Variants in SPHKAP observed in about 807,000 individuals in gnomAD.
SPHKAP encodes A-kinase anchor protein SPHKAP.
SPHKAP carries 67 observed loss-of-function variants against 137.5 expected under a neutral mutation model. That is an observed-to-expected ratio of 0.49 (90% CI 0.40 to 0.60). SPHKAP has a LOEUF of 0.60. Among genes scored for constraint, SPHKAP ranks in the 20% least tolerant of loss-of-function variants. The probability of loss-of-function intolerance (pLI) is 0.00; values close to 1 mark genes in which losing one functional copy is unlikely to be tolerated. For missense variants in SPHKAP, 2,097 were observed against 2,069.3 expected (o/e 1.01, Z -0.26); for synonymous variants, 813 against 785.3 (o/e 1.04, Z -0.59).
chr2:228,170,291 T>A (rs913634468), intron 1 of SPHKAP, among the ~76,000 whole-genome samples: 9 of 152,078 alleles, frequency 5.9e-5, no homozygotes, highest in Non-Finnish European at 1.3e-4. Context: ...CACAAAGAGT[T>A]TAGAAAACTT....
Position 228,020,091 on chromosome 2 carries a change from C to T in SPHKAP, c.763G>A (p.Val255Met), listed in dbSNP as rs1301723490. The change falls in exon 7 of 12, where the codon GTG becomes ATG. Residue 255 changes from valine to methionine, a missense_variant. Physicochemically the swap from Val to Met is conservative, Grantham distance 21. Transcript: ENST00000392056. The part of the protein sequence containing the change: ...ESKQLKGATQ[V>M]EWNCNKEKWL... ...TTTTCCTTGTTGCAATTCCATTCCA[C>T]CTGGGTGGCTCCCTTTAGCTGTTTA... 3.1e-6 allele frequency: 5 copies of T among 1,614,128 alleles called. No homozygotes were observed. The highest frequency in any genetic ancestry group is 4.2e-6 in the Non-Finnish European group (5 of 1,180,030).
intron 3 of SPHKAP, among the ~76,000 whole-genome samples, chr2:228,046,949 T>C (rs1696084017): frequency 6.6e-6 from 1 of 152,166 alleles, no homozygotes; most frequent in African/African-American, 2.4e-5. Context: ...GTTAACATTT[T>C]CCCACTTGAA....
At chr2:228,042,185 A>G (rs968723807) in intron 3 of SPHKAP, among the ~76,000 whole-genome samples, 2 of 152,186 alleles carry the variant, frequency 1.3e-5, no homozygotes, top group African/African-American at 4.8e-5. Context: ...CTGAAGACCA[A>G]TGGGCTCTGT....
chr2:228,108,945 G>A lies in SPHKAP; in HGVS notation c.139-6C>T, dbSNP rs746309216. 17 of 1,569,508 alleles carry A rather than the reference G, an allele frequency of 1.1e-5. No individual in the cohort carries two copies. Among genetic ancestry groups the A allele is most frequent in the Non-Finnish European group, 1.4e-5 (16 of 1,163,642 alleles). ...AGGCTATTGCTGCGAAGAACCTGGA[G>A]GAACCCAGAAAAACTCAGTTCTTAT... On this transcript the variant is annotated splice_polypyrimidine_tract_variant and splice_region_variant and intron_variant, in intron 2 of 11. Transcript: ENST00000392056.
chr2:228,031,637 C>T (rs1378288424), intron 3 of SPHKAP, among the ~76,000 whole-genome samples: 1 of 152,194 alleles, frequency 6.6e-6, no homozygotes, highest in Non-Finnish European at 1.5e-5. Flanking sequence ...AGACTGACAC[C>T]TCACACGGCC....
chr2:228,125,066 T>A (rs960925309), intron 2 of SPHKAP, among the ~76,000 whole-genome samples: 9 of 152,214 alleles, frequency 5.9e-5, no homozygotes, highest in African/African-American at 1.9e-4. Flanking sequence ...GTGTTTTCAG[T>A]CTGCCACCTT....
At chr2:228,083,494 G>A (rs868349389) in intron 3 of SPHKAP, among the ~76,000 whole-genome samples, 1 of 152,176 alleles carries the variant, frequency 6.6e-6, no homozygotes, top group East Asian at 1.9e-4. Context: ...CTTTTGACAA[G>A]TGTCTGTTCA....
chr2:228,171,833 C>T (rs1431601113), intron 1 of SPHKAP, among the ~76,000 whole-genome samples: 1 of 152,100 alleles, frequency 6.6e-6, no homozygotes, highest in African/African-American at 2.4e-5. Context: ...TAAATGTTGA[C>T]TGACAATTGA....
intron 2 of SPHKAP, among the ~76,000 whole-genome samples, chr2:228,111,762 G>T (rs1450762667): frequency 6.6e-6 from 1 of 152,062 alleles, no homozygotes; most frequent in Admixed American, 6.6e-5. Context: ...GAGTCTCAGA[G>T]AGATATGAAT....
chr2:228,082,946 A>C (rs893577387), intron 3 of SPHKAP, among the ~76,000 whole-genome samples: 3 of 152,292 alleles, frequency 2.0e-5, no homozygotes, highest in Non-Finnish European at 4.4e-5. Flanking sequence ...GAAGTCATTT[A>C]GTGCACCACC....
intron 2 of SPHKAP, among the ~76,000 whole-genome samples, chr2:228,124,398 C>G (rs1699005966): frequency 6.6e-6 from 1 of 151,960 alleles, no homozygotes; most frequent in Non-Finnish European, 1.5e-5. Flanking sequence ...GAATACTATG[C>G]AGCCATAAAA....
At chr2:228,035,996 C>T (rs1695575270) in intron 3 of SPHKAP, among the ~76,000 whole-genome samples, 2 of 149,514 alleles carry the variant, frequency 1.3e-5, no homozygotes, top group African/African-American at 5.0e-5. Flanking sequence ...TCTAAAACAC[C>T]AAAGGCAATG....
chr2:228,114,111 A>G (rs973421472), intron 2 of SPHKAP, among the ~76,000 whole-genome samples: 2 of 152,174 alleles, frequency 1.3e-5, no homozygotes, highest in African/African-American at 4.8e-5. Context: ...CCAGGCTCTC[A>G]ATGGCTCATT....
At chr2:228,164,164 G>C (rs1389746777) in intron 1 of SPHKAP, among the ~76,000 whole-genome samples, 1 of 152,120 alleles carries the variant, frequency 6.6e-6, no homozygotes, top group East Asian at 1.9e-4. Flanking sequence ...TTCTGCCCTT[G>C]GACATCAGCC....
At chr2:228,142,032 C>T (rs1200523983) in intron 1 of SPHKAP, among the ~76,000 whole-genome samples, 2 of 152,116 alleles carry the variant, frequency 1.3e-5, no homozygotes, top group Admixed American at 1.3e-4. Context: ...ATCACAAACA[C>T]CACCAAATGG....
At position 228,040,132 on chromosome 2, in the gene SPHKAP, T is replaced by C. The variant is rs1422455662; in HGVS notation, c.247-12589A>G. Reference sequence around the variant, plus strand: ...TCAAATTGCCTTAAAATCTAGGCATTTGAATGTTGAATATGACCAAATATT... The same window carrying C: ...TCAAATTGCCTTAAAATCTAGGCATCTGAATGTTGAATATGACCAAATATT... On this transcript the variant is annotated intron_variant, in intron 3 of 11. Coordinates refer to ENST00000392056, the MANE Select transcript of SPHKAP (RefSeq NM_001142644.2). Among the ~76,000 whole-genome samples, 4 of 152,214 alleles carry C rather than the reference T, an allele frequency of 2.6e-5. No individual in the cohort carries two copies. In the East Asian group the frequency reaches 7.7e-4, roughly 29 times the overall value.
intron 1 of SPHKAP, among the ~76,000 whole-genome samples, chr2:228,133,768 C>A (rs997805939): frequency 6.6e-6 from 1 of 152,176 alleles, no homozygotes; most frequent in African/African-American, 2.4e-5. Context: ...TTCAATTAGC[C>A]ATAAGTCACA....
At chr2:228,118,985 T>C (rs1002613506) in intron 2 of SPHKAP, among the ~76,000 whole-genome samples, 1 of 152,144 alleles carries the variant, frequency 6.6e-6, no homozygotes, top group Non-Finnish European at 1.5e-5. Flanking sequence ...TGAAAATAAA[T>C]AACTATTATG....
chr2:228,167,962 C>T (rs1291041811), intron 1 of SPHKAP, among the ~76,000 whole-genome samples: 1 of 151,930 alleles, frequency 6.6e-6, no homozygotes, highest in Non-Finnish European at 1.5e-5. Context: ...ACATGAATAC[C>T]TTTAGTATAC....
Sources: allele counts gnomAD v4.1 joint callset (sites outside exome capture counted in the v4.1 genomes callset), GRCh38; gene constraint gnomAD v4.1.1; transcripts MANE v1.5; gene names NCBI Gene and HGNC (gene_info 2026-07-23, HGNC 2026-07-21).